ZFHX3: variants seen among roughly 807,000 people sequenced by gnomAD.
ZFHX3 encodes the protein zinc finger homeobox protein 3.
A neutral mutation model predicts 279.1 loss-of-function variants in ZFHX3; 42 were observed. That is an observed-to-expected ratio of 0.15 (90% confidence interval 0.12 to 0.19). The LOEUF is 0.19. Among genes scored for constraint, ZFHX3 ranks in the 10% least tolerant of loss-of-function variants. The probability of loss-of-function intolerance (pLI) is 1.00; values close to 1 mark genes in which losing one functional copy is unlikely to be tolerated. For missense variants in ZFHX3, 4,981 were observed against 4,754.0 expected (o/e 1.05, Z -1.40); for synonymous variants, 2,293 against 1,957.8 (o/e 1.17, Z -4.52).
intron 1 of ZFHX3, among the ~76,000 whole-genome samples, chr16:73,735,479 T>C (rs1052817821): frequency 6.6e-6 from 1 of 151,562 alleles, no homozygotes; most frequent in Non-Finnish European, 1.5e-5. Context: ...ACTCTAGGTA[T>C]CTCAAATAAG....
At chr16:73,528,268 G>A (rs2019729388) in intron 2 of ZFHX3, among the ~76,000 whole-genome samples, 1 of 152,100 alleles carries the variant, frequency 6.6e-6, no homozygotes, top group African/African-American at 2.4e-5. Context: ...ATCATTATCA[G>A]GCACGATTAT....
chr16:72,962,892 C>T (rs1030691010), intron 1 of ZFHX3, among the ~76,000 whole-genome samples: 13 of 152,036 alleles, frequency 8.6e-5, no homozygotes, highest in Middle Eastern at 3.4e-3. Context: ...GGGGGACGCG[C>T]GCACAGAGGT....
At chr16:72,915,684 G>A (rs2039426190) in intron 3 of ZFHX3, among the ~76,000 whole-genome samples, 1 of 151,818 alleles carries the variant, frequency 6.6e-6, no homozygotes. Flanking sequence ...GATCACTTGA[G>A]CCCAAGAGGT....
Position 72,798,725 on chromosome 16 carries a change from A to C in ZFHX3, c.3968-11T>G. 6.6e-7 allele frequency: 1 copy of C among 1,520,760 alleles called. No homozygotes were observed. The highest frequency in any genetic ancestry group is 8.8e-7 in the Non-Finnish European group (1 of 1,142,284). The allele number at this position is 1,520,760 out of a possible 1,614,324, so 94.2% of individuals were successfully genotyped here. ...GATCCTCTGAGGTTTCTGTTAAAAA[A>C]AAAAAAAAAATCAAACCCAAAGATA... On this transcript the variant is annotated splice_polypyrimidine_tract_variant and intron_variant, in intron 8 of 9. Transcript: ENST00000268489.
At chr16:73,441,653 A>G (rs576122340) in intron 3 of ZFHX3, among the ~76,000 whole-genome samples, 1 of 152,066 alleles carries the variant, frequency 6.6e-6, no homozygotes, top group Non-Finnish European at 1.5e-5. Context: ...GAAATCAGCC[A>G]CCCTATAAAG....
At chr16:73,650,208 T>G (rs1462672007) in intron 2 of ZFHX3, among the ~76,000 whole-genome samples, 1 of 152,034 alleles carries the variant, frequency 6.6e-6, no homozygotes. Flanking sequence ...ATAAGAACCT[T>G]TAAGTAGCTA....
chr16:73,242,782 C>A (rs79764831), intron 5 of ZFHX3, among the ~76,000 whole-genome samples: 1 of 152,128 alleles, frequency 6.6e-6, no homozygotes, highest in East Asian at 1.9e-4. Context: ...CCTGTCTTAA[C>A]GAGCGGAGTA....
At chr16:73,865,120 G>C (rs536874264) in intron 1 of ZFHX3, among the ~76,000 whole-genome samples, 4 of 152,218 alleles carry the variant, frequency 2.6e-5, no homozygotes, top group African/African-American at 4.8e-5. Flanking sequence ...TCACAGCTGA[G>C]GTCCCAGAAA....
chr16:73,568,353 C>T (rs938201996), intron 2 of ZFHX3, among the ~76,000 whole-genome samples: 5 of 151,988 alleles, frequency 3.3e-5, no homozygotes, highest in Admixed American at 6.5e-5. Flanking sequence ...TTTCCGTCAT[C>T]TTTCCATTTG....
intron 1 of ZFHX3, among the ~76,000 whole-genome samples, chr16:73,012,353 A>G (rs1452277271): frequency 2.0e-5 from 3 of 152,258 alleles, no homozygotes; most frequent in African/African-American, 7.2e-5. Context: ...GATACTGCAC[A>G]TGACAGTTTA....
chr16:72,826,422 C>T (rs1279607328), intron 5 of ZFHX3, among the ~76,000 whole-genome samples: 1 of 152,080 alleles, frequency 6.6e-6, no homozygotes, highest in East Asian at 1.9e-4. Flanking sequence ...TATTTACTTG[C>T]CAGGAGGAAG....
intron 3 of ZFHX3, among the ~76,000 whole-genome samples, chr16:73,428,778 G>C (rs912866390): frequency 2.6e-5 from 4 of 152,194 alleles, no homozygotes. Flanking sequence ...AACCTGCTCA[G>C]GAGTTGAATC....
At chr16:72,969,942 C>T (rs1597034519) in intron 1 of ZFHX3, among the ~76,000 whole-genome samples, 1 of 152,332 alleles carries the variant, frequency 6.6e-6, no homozygotes, top group East Asian at 1.9e-4. Flanking sequence ...GCGCCTTGTG[C>T]TGCCGGACGC....
At chr16:72,822,954 G>T (rs762852918) in intron 5 of ZFHX3, among the ~76,000 whole-genome samples, 1 of 152,108 alleles carries the variant, frequency 6.6e-6, no homozygotes, top group Non-Finnish European at 1.5e-5. Context: ...GGCAAGTCCA[G>T]ATATACACCA....
rs900823928 is a variant in ZFHX3 at position 73,312,391 on chromosome 16, GA to G, written c.-1194+5848del. 5.5e-3 allele frequency among the ~76,000 whole-genome samples: 803 copies of G among 145,134 alleles called. 2 individuals carry two copies. The highest frequency in any genetic ancestry group is 9.1e-3 in the African/African-American group (363 of 39,736). Reference sequence around the variant, plus strand: ...CTTTCACATAACTTCCAAACACAAAGAAAAAAAAAAACTCTTCTAAATCTTA... The same window carrying G: ...CTTTCACATAACTTCCAAACACAAAGAAAAAAAAAACTCTTCTAAATCTTA... On this transcript the variant is annotated intron_variant, in intron 4 of 17. Transcript: ENST00000641206.
intron 2 of ZFHX3, among the ~76,000 whole-genome samples, chr16:73,555,471 A>T (rs1567517687): frequency 6.7e-6 from 1 of 149,198 alleles, no homozygotes; most frequent in Non-Finnish European, 1.5e-5. Context: ...TTGTATTTTT[A>T]AGAGGCTCTC....
intron 1 of ZFHX3, among the ~76,000 whole-genome samples, chr16:73,764,331 A>G (rs915646870): frequency 3.9e-5 from 6 of 152,122 alleles, no homozygotes; most frequent in African/African-American, 1.4e-4. Context: ...GCTCCCTATG[A>G]GAAATCTTTT....
intron 1 of ZFHX3, among the ~76,000 whole-genome samples, chr16:73,027,982 C>A (rs1215933003): frequency 1.3e-5 from 2 of 152,112 alleles, no homozygotes; most frequent in African/African-American, 2.4e-5. Flanking sequence ...GCCTTCCCAG[C>A]ACAGACGCCT....
rs977300204 is a variant in ZFHX3 at position 73,012,545 on chromosome 16, C to A, written c.-50+35207G>T. Among the ~76,000 whole-genome samples the A allele has an allele frequency of 5.3e-5, 8 of 152,108 alleles. No individual in the cohort carries two copies. In the South Asian group the frequency reaches 1.7e-3, roughly 32 times the overall value. On this transcript the variant is annotated intron_variant, in intron 1 of 9. Coordinates refer to ENST00000268489, the MANE Select transcript of ZFHX3 (RefSeq NM_006885.4). ...GCCCAAGCCCACGGCCGGTGCCCAA[C>A]GGTGGCTACACACTACAGCAGCAAC... is the stretch of plus-strand genomic sequence containing the variant.
Sources: allele counts gnomAD v4.1 joint callset (sites outside exome capture counted in the v4.1 genomes callset), GRCh38; gene constraint gnomAD v4.1.1; transcripts MANE v1.5; gene names NCBI Gene and HGNC (gene_info 2026-07-23, HGNC 2026-07-21).